The following SENP7 variants were observed in gnomAD, a reference collection of about 807,000 sequenced individuals.
SENP7 encodes SUMO specific peptidase 7.
In SENP7, 64 loss-of-function variants were observed where a neutral mutation model predicts 141.2. The observed-to-expected ratio is 0.45, with a 90% CI of 0.37 to 0.56. SENP7 has a LOEUF of 0.56. Ranked by LOEUF, SENP7 falls within the 20% of genes least tolerant of loss-of-function variation. SENP7 has a pLI of 0.00. For missense variants in SENP7, 1,025 were observed against 1,212.2 expected, an observed-to-expected ratio of 0.85 and a Z score of 2.29; for synonymous variants, 382 against 426.4, an observed-to-expected ratio of 0.90 and a Z score of 1.28.
Position 101,393,281 on chromosome 3 carries a change from T to C in SENP7, c.677+5580A>G, listed in dbSNP as rs2060866983. Among the ~76,000 whole-genome samples the C allele has an allele frequency of 2.0e-5, 3 of 152,198 alleles. No homozygotes were observed. The South Asian group carries it at 6.2e-4, about 31-fold the overall frequency. Reference sequence around the variant, plus strand: ...AACTATATGACATTGGTCTGAGCAATGATTTTTTAGATTTCACCCAAAAAG... The same window carrying C: ...AACTATATGACATTGGTCTGAGCAACGATTTTTTAGATTTCACCCAAAAAG... On this transcript the variant is annotated intron_variant, in intron 6 of 23. Transcript: ENST00000394095.
chr3:101,339,978 G>A, intron 16 of SENP7, 117 bp downstream of exon 16: 2 of 1,340,988 alleles, frequency 1.5e-6, no homozygotes, highest in Non-Finnish European at 2.0e-6. Flanking sequence ...TTCCAAATCT[G>A]AAATCTTGGC....
chr3:101,504,330 G>A (rs942058160), intron 1 of SENP7, among the ~76,000 whole-genome samples: 3 of 151,450 alleles, frequency 2.0e-5, no homozygotes, highest in South Asian at 2.1e-4. Context: ...GTAGTGGCAG[G>A]TGCCTATAAT....
chr3:101,487,085 A>G (rs540436875), intron 3 of SENP7, among the ~76,000 whole-genome samples: 10 of 152,192 alleles, frequency 6.6e-5, no homozygotes, highest in Non-Finnish European at 1.3e-4. Context: ...CTAAACATAT[A>G]CACACCTAAC....
At chr3:101,428,310 CCAA>C (rs1298214870) in intron 4 of SENP7, among the ~76,000 whole-genome samples, 2 of 152,194 alleles carry the variant, frequency 1.3e-5, no homozygotes, top group Admixed American at 1.3e-4. Context: ...TACACTCCCA[CCAA>C]CAATGTAAAA....
At chr3:101,360,370 T>C (rs1424088185) in intron 11 of SENP7, among the ~76,000 whole-genome samples, 4 of 152,230 alleles carry the variant, frequency 2.6e-5, no homozygotes, top group Non-Finnish European at 2.9e-5. Flanking sequence ...CCTCCAGACA[T>C]TGATAGATAT....
At chr3:101,506,772 G>T (rs1434368906) in intron 1 of SENP7, among the ~76,000 whole-genome samples, 1 of 152,244 alleles carries the variant, frequency 6.6e-6, no homozygotes, top group Non-Finnish European at 1.5e-5. Context: ...CTGGGCTTGG[G>T]CTGAGCATGG....
At chr3:101,395,691 G>T (rs954716567) in intron 6 of SENP7, among the ~76,000 whole-genome samples, 2 of 152,158 alleles carry the variant, frequency 1.3e-5, no homozygotes, top group Non-Finnish European at 2.9e-5. Context: ...CTAAAGCTTG[G>T]TTTAAGGAGT....
chr3:101,420,877 G>T (rs62280719), intron 4 of SENP7, among the ~76,000 whole-genome samples: 8 of 152,036 alleles, frequency 5.3e-5, no homozygotes, highest in African/African-American at 1.9e-4. Flanking sequence ...GGCAGAGCAG[G>T]TGGGAACTCT....
At chr3:101,357,346 G>A (rs1167253121) in intron 11 of SENP7, 1 of 683,026 alleles carries the variant, frequency 1.5e-6, no homozygotes, top group South Asian at 1.5e-5. Flanking sequence ...AGGATGTGAT[G>A]TTAGAGAACT....
chr3:101,457,319 A>G, intron 4 of SENP7: 1 of 1,428,510 alleles, frequency 7.0e-7, no homozygotes, highest in African/African-American at 1.4e-5. Context: ...CCTCCCCAGT[A>G]GCAAGTGGTG....
intron 5 of SENP7, among the ~76,000 whole-genome samples, chr3:101,402,144 A>G (rs975089358): frequency 1.3e-5 from 2 of 152,238 alleles, no homozygotes; most frequent in African/African-American, 4.8e-5. Context: ...CAGATTTTCA[A>G]TGTAGATGAA....
chr3:101,434,377 A>C (rs903261273), intron 4 of SENP7, among the ~76,000 whole-genome samples: 2 of 152,014 alleles, frequency 1.3e-5, no homozygotes, highest in Non-Finnish European at 2.9e-5. Context: ...TTAAAAAACT[A>C]AAATAGCAAG....
rs1202190334 is a variant in SENP7, at chr3:101,398,885, T to C, written c.653A>G (p.His218Arg). The change falls in exon 6 of 24, where the codon CAC becomes CGC. Residue 218 changes from histidine to arginine, a missense_variant. His to Arg is a conservative substitution (Grantham distance 29). Transcript: ENST00000394095. ...CCTTTCAGATAAATAACAGCTCTTG[T>C]GAGGGTTTAGATTTTGATAAGATTC... ...SLESYQNLNP[H>R]KSCYLSERGS... The C allele has an allele frequency of 6.2e-7, 1 of 1,606,078 alleles. No homozygotes were observed. Among genetic ancestry groups the C allele is most frequent in the East Asian group, 2.2e-5 (1 of 44,736 alleles).
At chr3:101,414,440 T>C in intron 5 of SENP7, 1 of 1,152,344 alleles carries the variant, frequency 8.7e-7, no homozygotes, top group Non-Finnish European at 1.3e-6. Flanking sequence ...TTGGAGAAGT[T>C]CCAGGACCAC....
At chr3:101,364,806 A>T (rs753847244) in intron 10 of SENP7, 28 bp downstream of exon 10, 3 of 1,453,464 alleles carry the variant, frequency 2.1e-6, no homozygotes, top group Non-Finnish European at 2.8e-6. Flanking sequence ...TTTCATTGTT[A>T]ATCTATGAGA....
Position 101,512,730 on chromosome 3 carries a change from G to C in SENP7, c.40+361C>G, listed in dbSNP as rs762459109. On this transcript the variant is annotated intron_variant, in intron 1 of 23. Coordinates refer to ENST00000394095, the MANE Select transcript of SENP7 (RefSeq NM_020654.5). ...AGAGAGGAAAGTGGGGTCAGGCGCTGAGAAGCCGAAATGAAATTGGAACAT... is the reference window on the plus strand; with the variant it reads ...AGAGAGGAAAGTGGGGTCAGGCGCTCAGAAGCCGAAATGAAATTGGAACAT... Among the ~76,000 whole-genome samples the C allele has an allele frequency of 1.6e-3, 250 of 152,344 alleles. 2 individuals carry two copies. The highest frequency in any genetic ancestry group is 1.2e-3 in the Non-Finnish European group (82 of 68,034).
chr3:101,491,594 C>T (rs1257531794), intron 3 of SENP7, among the ~76,000 whole-genome samples: 2 of 152,164 alleles, frequency 1.3e-5, no homozygotes, highest in African/African-American at 4.8e-5. Context: ...AATTTTCTAA[C>T]CTTATGCAAA....
chr3:101,334,944 T>A (rs554777518), intron 17 of SENP7, among the ~76,000 whole-genome samples: 1 of 152,328 alleles, frequency 6.6e-6, no homozygotes, highest in Admixed American at 6.5e-5. Flanking sequence ...TAATAGGCAC[T>A]GTTATCATCT....
In SENP7 at chr3:101,326,024, A is replaced by C; in HGVS notation, c.3072T>G (p.His1024Gln). Reference sequence around the variant, plus strand: ...TATCTTCCCGTTTGGTCTTTATTACATGACGAGGAAACCACTTCTCCAAAT... The same window carrying C: ...TATCTTCCCGTTTGGTCTTTATTACCTGACGAGGAAACCACTTCTCCAAAT... The part of the protein sequence containing the change: ...PIHLEKWFPR[H>Q]VIKTKREDIR... Residue 1024 changes from histidine to glutamine, a missense_variant, in exon 24 of 24, where the codon CAT becomes CAG. His to Gln is a conservative substitution (Grantham distance 24, BLOSUM62 0). Coordinates refer to ENST00000394095, the MANE Select transcript of SENP7 (RefSeq NM_020654.5). 1 of 1,610,808 alleles carries C rather than the reference A, an allele frequency of 6.2e-7. No individual in the cohort carries two copies. Among genetic ancestry groups the C allele is most frequent in the Non-Finnish European group, 8.5e-7 (1 of 1,178,278 alleles).
Sources: gnomAD v4.1 joint callset for allele counts (sites outside exome capture counted in the v4.1 genomes callset) on GRCh38, gnomAD v4.1.1 for gene constraint, MANE v1.5 for transcripts, NCBI Gene and HGNC (gene_info 2026-07-23, HGNC 2026-07-21) for gene names.